Variants in NPLOC4 observed in about 807,000 individuals in gnomAD.
NPLOC4 encodes nuclear protein localization protein 4 homolog.
In NPLOC4, 18 loss-of-function variants were observed where a neutral mutation model predicts 80.6. The observed-to-expected ratio is 0.22, with a 90% CI of 0.15 to 0.33. The LOEUF is 0.33. Ranked by LOEUF, NPLOC4 falls within the 10% of genes least tolerant of loss-of-function variation. The pLI, the probability that NPLOC4 is intolerant of heterozygous loss-of-function variation, is 1.00. For missense variants in NPLOC4, 540 were observed against 786.1 expected, an observed-to-expected ratio of 0.69 and a Z score of 3.74; for synonymous variants, 313 against 301.5, an observed-to-expected ratio of 1.04 and a Z score of -0.39.
At chr17:81,632,391 C>T (rs1280585769) in intron 1 of NPLOC4, among the ~76,000 whole-genome samples, 1 of 151,384 alleles carries the variant, frequency 6.6e-6, no homozygotes, top group African/African-American at 2.4e-5. Context: ...CGGCTCACTG[C>T]AACCTCTGCC....
chr17:81,625,650 G>A (rs2035775444), intron 2 of NPLOC4, among the ~76,000 whole-genome samples: 1 of 152,154 alleles, frequency 6.6e-6, no homozygotes, highest in Non-Finnish European at 1.5e-5. Flanking sequence ...AGCACTGCTT[G>A]AGCCCAGAAG....
intron 12 of NPLOC4, among the ~76,000 whole-genome samples, chr17:81,573,215 TA>T (rs1378699079): frequency 1.3e-5 from 2 of 152,218 alleles, no homozygotes; most frequent in Non-Finnish European, 2.9e-5. Flanking sequence ...TATACATCCA[TA>T]ATTTCCAATT....
intron 3 of NPLOC4, among the ~76,000 whole-genome samples, chr17:81,615,683 G>C (rs1261191554): frequency 2.0e-5 from 3 of 152,184 alleles, no homozygotes; most frequent in Non-Finnish European, 4.4e-5. Flanking sequence ...TGGGAGACAA[G>C]AACTTGGGCT....
intron 3 of NPLOC4, among the ~76,000 whole-genome samples, chr17:81,620,132 GAAGT>G (rs1336867016): frequency 3.3e-5 from 5 of 152,200 alleles, no homozygotes; most frequent in Non-Finnish European, 5.9e-5. Context: ...AAGATTACAA[GAAGT>G]AAGACATACA....
intron 9 of NPLOC4, among the ~76,000 whole-genome samples, chr17:81,598,330 C>T (rs529358391): frequency 2.8e-4 from 42 of 152,266 alleles, no homozygotes; most frequent in African/African-American, 7.9e-4. Flanking sequence ...TCAGCACCAG[C>T]TCTGCCCAGC....
Position 81,629,936 on chromosome 17 carries a change from CA to C in NPLOC4, c.16-132del. Reference sequence around the variant, plus strand: ...AAGCCAAACCTCACTCTTCACCTTTCAATACCCAGCTCAATCCTTCTAGAAT... The same window carrying C: ...AAGCCAAACCTCACTCTTCACCTTTCATACCCAGCTCAATCCTTCTAGAAT... On this transcript the variant is annotated intron_variant, in intron 1 of 16. Transcript: ENST00000331134. The C allele has an allele frequency of 6.0e-6, 4 of 665,380 alleles. No individual in the cohort carries two copies. In the South Asian group the frequency reaches 7.1e-5, roughly 12 times the overall value. 41.2% of individuals were successfully genotyped at this position (665,380 alleles called of 1,614,324 possible). A position where few individuals can be genotyped will look rare whatever the true frequency, so the allele number is the denominator to read the frequency against.
At chr17:81,565,833 T>A (rs2033993660) in intron 15 of NPLOC4, among the ~76,000 whole-genome samples, 1 of 152,248 alleles carries the variant, frequency 6.6e-6, no homozygotes, top group South Asian at 2.1e-4. Context: ...CAAGCGGGCA[T>A]CTGTGCCTCT....
chr17:81,611,896 C>T (rs923134086), intron 4 of NPLOC4, among the ~76,000 whole-genome samples: 1 of 147,916 alleles, frequency 6.8e-6, no homozygotes, highest in Admixed American at 6.8e-5. Context: ...GGGGACGCAG[C>T]TGGCAGTGAG....
chr17:81,622,602 G>C (rs995412305), intron 2 of NPLOC4, among the ~76,000 whole-genome samples: 9 of 152,314 alleles, frequency 5.9e-5, no homozygotes, highest in African/African-American at 1.9e-4. Context: ...CCAAGCTGGA[G>C]TACAGTGGCA....
chr17:81,612,163 C>T (rs2035358653), intron 4 of NPLOC4, among the ~76,000 whole-genome samples: 1 of 152,128 alleles, frequency 6.6e-6, no homozygotes, highest in South Asian at 2.1e-4. Flanking sequence ...GGGAGCACAA[C>T]ACGCACAATC....
rs1466598080 is a variant in NPLOC4 at position 81,572,067 on chromosome 17, C to T, written c.1303G>A (p.Glu435Lys). The T allele has an allele frequency of 1.9e-6, 3 of 1,608,772 alleles. No individual in the cohort carries two copies. Among genetic ancestry groups the T allele is most frequent in the Admixed American group, 3.3e-5 (2 of 59,744 alleles). ...AGGGGCCGGGCCAGCTGGGTGATCT[C>T]GTTGCCAAACTTGTCTACGTCCTGC... Reference protein sequence around the residue: ...FYKDVDKFGNEITQLARPLPV... With the variant: ...FYKDVDKFGNKITQLARPLPV... The change falls in exon 13 of 17, where the codon GAG becomes AAG. Residue 435 changes from glutamate (E) to lysine (K), a missense_variant. This residue lies in a region of NPLOC4 where 251 missense variants were observed against 377.5 expected (regional missense o/e 0.66). Coordinates refer to ENST00000331134, the MANE Select transcript of NPLOC4 (RefSeq NM_017921.4). This position sits in a 1 kb window ranked among gnomAD's most constrained non-coding sequence, Gnocchi z 4.5.
intron 5 of NPLOC4, among the ~76,000 whole-genome samples, chr17:81,609,272 C>G (rs1267285037): frequency 6.6e-6 from 1 of 152,202 alleles, no homozygotes; most frequent in Non-Finnish European, 1.5e-5. Context: ...CCCGCCTTGG[C>G]CTCCCAAAGT....
intron 12 of NPLOC4, among the ~76,000 whole-genome samples, chr17:81,586,711 CTG>C (rs1459393468): frequency 6.6e-6 from 1 of 152,078 alleles, no homozygotes; most frequent in Non-Finnish European, 1.5e-5. Context: ...TCTGGACAGA[CTG>C]TATCTCCCAG....
At chr17:81,620,315 G>A (rs2035631482) in intron 3 of NPLOC4, among the ~76,000 whole-genome samples, 2 of 152,044 alleles carry the variant, frequency 1.3e-5, no homozygotes, top group Non-Finnish European at 1.5e-5. Flanking sequence ...GGCCAACTTA[G>A]TGAAACCCCA....
rs566011198 is a variant in NPLOC4, at chr17:81,588,798, C to T, written c.1281+146G>A. On this transcript the variant is annotated intron_variant, in intron 12 of 16. Transcript: ENST00000331134. ...AGTAGCGAATATCCAGCCCCAGAAACGTGACAGAAGCCTTTAGTGACAAGC... is the reference window on the plus strand; with the variant it reads ...AGTAGCGAATATCCAGCCCCAGAAATGTGACAGAAGCCTTTAGTGACAAGC... 3.5e-5 allele frequency: 23 copies of T among 653,460 alleles called. 1 individual carries two copies. In the South Asian group the frequency reaches 3.8e-4, roughly 11 times the overall value. 40.5% of individuals were successfully genotyped at this position (653,460 alleles called of 1,614,324 possible).
At chr17:81,585,765 T>C (rs1272702267) in intron 12 of NPLOC4, among the ~76,000 whole-genome samples, 3 of 151,826 alleles carry the variant, frequency 2.0e-5, no homozygotes, top group Non-Finnish European at 4.4e-5. Flanking sequence ...GGCAGGCAGA[T>C]TGCTTGAGCC....
chr17:81,613,229 A>T lies in NPLOC4; in HGVS notation c.386+89T>A, dbSNP rs547123339. The T allele has an allele frequency of 4.2e-6, 5 of 1,187,326 alleles. No homozygotes were observed. In the South Asian group the frequency reaches 9.5e-5, roughly 23 times the overall value. The allele number at this position is 1,187,326 out of a possible 1,614,324, so 73.5% of individuals were successfully genotyped here. A position where few individuals can be genotyped will look rare whatever the true frequency, so the allele number is the denominator to read the frequency against. ...CTTAACATTTCTTCATCAGATACTTATTAAAACAAGACATGTTATAAATAT... is the reference window on the plus strand; with the variant it reads ...CTTAACATTTCTTCATCAGATACTTTTTAAAACAAGACATGTTATAAATAT... On this transcript the variant is annotated intron_variant, in intron 4 of 16. Coordinates refer to ENST00000331134, the MANE Select transcript of NPLOC4 (RefSeq NM_017921.4).
At chr17:81,593,021 C>T (rs1311774620) in intron 11 of NPLOC4, among the ~76,000 whole-genome samples, 3 of 152,112 alleles carry the variant, frequency 2.0e-5, no homozygotes, top group Admixed American at 2.0e-4. Flanking sequence ...CTCGATTTCA[C>T]TCAGAATAAA....
chr17:81,601,207 G>A (rs1257327479), intron 8 of NPLOC4, among the ~76,000 whole-genome samples: 1 of 152,130 alleles, frequency 6.6e-6, no homozygotes, highest in East Asian at 1.9e-4. Context: ...AATAGGAAAG[G>A]TAAAGGTAAT....
Sources: gnomAD v4.1 joint callset for allele counts (sites outside exome capture counted in the v4.1 genomes callset) on GRCh38, gnomAD v4.1.1 for gene constraint, gnomAD v4.1.1 regional missense constraint, Gnocchi (gnomAD v3.1) non-coding constraint, MANE v1.5 for transcripts, NCBI Gene and HGNC (gene_info 2026-07-23, HGNC 2026-07-21) for gene names.